PPFIA1: variants seen among roughly 807,000 people sequenced by gnomAD.
PPFIA1 encodes liprin-alpha-1.
A neutral mutation model predicts 149.9 loss-of-function variants in PPFIA1; 25 were observed. That is an observed-to-expected ratio of 0.17 (90% CI 0.12 to 0.23). The LOEUF (loss-of-function observed/expected upper bound fraction) is 0.23, where lower values mean the gene tolerates loss of function less well. Ranked by LOEUF, PPFIA1 falls within the 10% of genes least tolerant of loss-of-function variation. The pLI, the probability that PPFIA1 is intolerant of heterozygous loss-of-function variation, is 1.00. For missense variants in PPFIA1, 1,362 were observed against 1,506.5 expected (o/e 0.90, Z 1.59); for synonymous variants, 549 against 552.8 (o/e 0.99, Z 0.10).
At chr11:70,375,181 TAAAAAAA>T in intron 24 of PPFIA1, 88 bp downstream of exon 24, 3 of 141,332 alleles carry the variant, frequency 2.1e-5, no homozygotes, top group Non-Finnish European at 3.2e-5. Context: ...AAAGAAACTT[TAAAAAAA>T]AAAAAAAAAA....
chr11:70,284,950 C>A (rs1163460385), intron 2 of PPFIA1, among the ~76,000 whole-genome samples: 2 of 151,954 alleles, frequency 1.3e-5, no homozygotes, highest in Non-Finnish European at 2.9e-5. Flanking sequence ...GCATCGTGGC[C>A]TCAGGGGAGG....
rs777293078 is a variant in PPFIA1, at chr11:70,372,271, C to T, written c.2922C>T (p.Ser974=). The change falls in exon 22 of 28, where the codon AGC becomes AGT. Residue 974 remains serine, a synonymous_variant. Coordinates refer to ENST00000253925, the MANE Select transcript of PPFIA1 (RefSeq NM_003626.5). ...GGATCGGCAACGAGTGGCTCCCCAG[C>T]CTGGGCCTCCCCCAGTACCGCAGCT... ...HEWIGNEWLP[S]LGLPQYRSYF... is the part of the protein sequence containing the mutation. The T allele has an allele frequency of 1.1e-5, 17 of 1,614,084 alleles. No homozygotes were observed. The highest frequency in any genetic ancestry group is 1.4e-5 in the Non-Finnish European group (16 of 1,180,044).
At chr11:70,296,752 AGGGAGGGAGG>A (rs1409940627) in intron 2 of PPFIA1, among the ~76,000 whole-genome samples, 1 of 27,344 alleles carries the variant, frequency 3.7e-5, no homozygotes, top group African/African-American at 1.1e-4. Context: ...GGAGAGAGGG[AGGGAGGGAGG>A]GGGAGGGAGG....
intron 2 of PPFIA1, among the ~76,000 whole-genome samples, chr11:70,291,776 T>G (rs1300307313): frequency 6.6e-6 from 1 of 151,046 alleles, no homozygotes; most frequent in East Asian, 1.9e-4. Flanking sequence ...GCTCAGGTGA[T>G]CCTCCCACCT....
rs2057807198 is a variant in PPFIA1 at position 70,384,316 on chromosome 11, A to C, written c.*1326A>C. ...CCTGATTATGTAACAAAGTATGTACAGTCTACTTTTGAACTATTTTTATCA... is the reference window on the plus strand; with the variant it reads ...CCTGATTATGTAACAAAGTATGTACCGTCTACTTTTGAACTATTTTTATCA... On this transcript the variant is annotated 3_prime_UTR_variant, in exon 28 of 28. Transcript: ENST00000253925. 6.6e-6 allele frequency: 1 copy of C among 152,662 alleles called. No individual in the cohort carries two copies. Among genetic ancestry groups the C allele is most frequent in the South Asian group, 2.1e-4 (1 of 4,832 alleles). 9.5% of individuals were successfully genotyped at this position (152,662 alleles called of 1,614,324 possible). A position where few individuals can be genotyped will look rare whatever the true frequency, so the allele number is the denominator to read the frequency against.
intron 2 of PPFIA1, among the ~76,000 whole-genome samples, chr11:70,308,908 G>A (rs1391912558): frequency 6.6e-6 from 1 of 152,170 alleles, no homozygotes; most frequent in Non-Finnish European, 1.5e-5. Context: ...GGGTGACAGG[G>A]CGAGACTCTC....
At chr11:70,288,395 G>A (rs896612796) in intron 2 of PPFIA1, among the ~76,000 whole-genome samples, 3 of 152,038 alleles carry the variant, frequency 2.0e-5, no homozygotes, top group South Asian at 2.1e-4. Context: ...GTATCCCTTC[G>A]AGGCTCACAA....
chr11:70,308,623 A>G (rs2053039591), intron 2 of PPFIA1, among the ~76,000 whole-genome samples: 1 of 152,126 alleles, frequency 6.6e-6, no homozygotes, highest in Non-Finnish European at 1.5e-5. Context: ...TCTTAAGTGA[A>G]TATTCTTTTA....
At chr11:70,330,685 G>A (rs1183034623) in intron 8 of PPFIA1, among the ~76,000 whole-genome samples, 2 of 152,204 alleles carry the variant, frequency 1.3e-5, no homozygotes, top group African/African-American at 4.8e-5. Flanking sequence ...GGTCGGATGC[G>A]GTGGCTCATG....
chr11:70,328,518 T>C (rs1276094444), intron 7 of PPFIA1, among the ~76,000 whole-genome samples: 1 of 152,210 alleles, frequency 6.6e-6, no homozygotes, highest in Non-Finnish European at 1.5e-5. Flanking sequence ...TTTGCTGTTG[T>C]GAATAGTGCT....
chr11:70,273,534 A>T (rs1286424002), intron 2 of PPFIA1, among the ~76,000 whole-genome samples: 2 of 152,210 alleles, frequency 1.3e-5, no homozygotes, highest in South Asian at 2.1e-4. Context: ...CCGCATAAGC[A>T]CACATTTATA....
At chr11:70,344,677 C>T (rs899498331) in intron 15 of PPFIA1, among the ~76,000 whole-genome samples, 3 of 152,234 alleles carry the variant, frequency 2.0e-5, no homozygotes, top group Non-Finnish European at 4.4e-5. Flanking sequence ...TAGCCCCCAT[C>T]GTCACTCAAC....
At chr11:70,348,103 A>T in intron 15 of PPFIA1, 86 bp from the exon 16 acceptor site, 1 of 1,118,600 alleles carries the variant, frequency 8.9e-7, no homozygotes, top group South Asian at 1.3e-5. Context: ...TCATAGTAAT[A>T]CAGAGTATAA....
intron 14 of PPFIA1, among the ~76,000 whole-genome samples, chr11:70,340,753 C>T (rs1358435369): frequency 2.6e-5 from 4 of 151,884 alleles, no homozygotes; most frequent in Admixed American, 1.3e-4. Context: ...CAAATTACTA[C>T]GGAGCTCAGT....
intron 2 of PPFIA1, among the ~76,000 whole-genome samples, chr11:70,300,604 G>A (rs866271533): frequency 1.3e-5 from 2 of 150,044 alleles, no homozygotes; most frequent in South Asian, 4.2e-4. Flanking sequence ...GCGTGATCTC[G>A]GCCCTCTGCC....
At chr11:70,271,802 A>ACCCCCCCCCCCCTC (rs1189392336) in intron 1 of PPFIA1, 1 of 62,642 alleles carries the variant, frequency 1.6e-5, no homozygotes, top group Admixed American at 1.8e-4. Context: ...CTCCCCCCCT[A>ACCCCCCCCCCCCTC]CCCCCCCACC....
chr11:70,324,942 G>T lies in PPFIA1; in HGVS notation c.462G>T (p.Val154=). 1 of 1,614,132 alleles carries T rather than the reference G, an allele frequency of 6.2e-7. No homozygotes were observed. Reference sequence around the variant, plus strand: ...GACAAGCGCAGTCTCCAGCAGGCGTGTCCAGCGAAGTGGAAGTGCTGAAAG... The same window carrying T: ...GACAAGCGCAGTCTCCAGCAGGCGTTTCCAGCGAAGTGGAAGTGCTGAAAG... ...VKRQAQSPAG[V]SSEVEVLKAL... is the part of the protein sequence containing the mutation. The change falls in exon 4 of 28, where the codon GTG becomes GTT. Residue 154 remains valine, a synonymous_variant. Coordinates refer to ENST00000253925, the MANE Select transcript of PPFIA1 (RefSeq NM_003626.5).
chr11:70,345,562 T>G (rs1488758621), intron 15 of PPFIA1, among the ~76,000 whole-genome samples: 1 of 152,092 alleles, frequency 6.6e-6, no homozygotes, highest in African/African-American at 2.4e-5. Context: ...GGAGTCTGTT[T>G]GTTGAGATGA....
At chr11:70,280,074 A>G (rs2050659651) in intron 2 of PPFIA1, among the ~76,000 whole-genome samples, 1 of 151,788 alleles carries the variant, frequency 6.6e-6, no homozygotes, top group Non-Finnish European at 1.5e-5. Flanking sequence ...CACCTGGCTA[A>G]TTTCTGTATT....
Sources: allele counts gnomAD v4.1 joint callset (sites outside exome capture counted in the v4.1 genomes callset), GRCh38; gene constraint gnomAD v4.1.1; transcripts MANE v1.5; gene names NCBI Gene and HGNC (gene_info 2026-07-23, HGNC 2026-07-21).